Variants in FBXO45 observed in about 807,000 individuals in gnomAD.
FBXO45 encodes the protein F-box/SPRY domain-containing protein 1.
FBXO45 carries 3 observed loss-of-function variants against 25.5 expected under a neutral mutation model. That is an observed-to-expected ratio of 0.12 (90% CI 0.05 to 0.30). The LOEUF (loss-of-function observed/expected upper bound fraction) is 0.30. Ranked by LOEUF, FBXO45 falls within the 10% of genes least tolerant of loss-of-function variation. The probability of loss-of-function intolerance (pLI) is 1.00; values close to 1 mark genes in which losing one functional copy is unlikely to be tolerated. For synonymous variants in FBXO45, 155 were observed against 149.8 expected (o/e 1.03, Z -0.25); for missense variants, 219 against 365.0 (o/e 0.60, Z 3.26).
intron 2 of FBXO45, among the ~76,000 whole-genome samples, chr3:196,580,304 C>T (rs2108728312): frequency 6.6e-6 from 1 of 152,122 alleles, no homozygotes; most frequent in African/African-American, 2.4e-5. Context: ...CTCCCGGGTC[C>T]CGGTTCAAGC....
At chr3:196,571,574 A>T (rs1182793626) in intron 1 of FBXO45, among the ~76,000 whole-genome samples, 1 of 152,234 alleles carries the variant, frequency 6.6e-6, no homozygotes, top group Non-Finnish European at 1.5e-5. Flanking sequence ...AGAAATGTTC[A>T]CATGATTCAA....
In FBXO45 at chr3:196,584,683, T is replaced by A. The variant is rs1675381278; in HGVS notation, c.*365T>A. ...GTGTGTTTGTGAAGACTGATCCCAT[T>A]TTACAACTGCCTGTTCTTTCTCCAG... On this transcript the variant is annotated 3_prime_UTR_variant, in exon 3 of 3. Coordinates refer to ENST00000311630, the MANE Select transcript of FBXO45 (RefSeq NM_001105573.2). This position sits in a 1 kb window ranked among gnomAD's most constrained non-coding sequence, Gnocchi z 4.3. 1 of 159,554 alleles carries A rather than the reference T, an allele frequency of 6.3e-6. No individual in the cohort carries two copies. Among genetic ancestry groups the A allele is most frequent in the South Asian group, 2.0e-4 (1 of 4,972 alleles). 9.9% of individuals were successfully genotyped at this position (159,554 alleles called of 1,614,324 possible).
chr3:196,568,807 G>A lies in FBXO45; in HGVS notation c.-178G>A, dbSNP rs1454413467. On this transcript the variant is annotated 5_prime_UTR_variant, in exon 1 of 3. Coordinates refer to ENST00000311630, the MANE Select transcript of FBXO45 (RefSeq NM_001105573.2). The stretch of plus-strand genomic sequence containing the variant: ...CAGCCGGTGCGTCTGCCCTCAGTGA[G>A]GCGGGGCGCGCGGCGGACGCCCCCG... 3.9e-6 allele frequency: 1 copy of A among 256,750 alleles called. No homozygotes were observed. Among genetic ancestry groups the A allele is most frequent in the South Asian group, 1.5e-4 (1 of 6,882 alleles). The allele number at this position is 256,750 out of a possible 1,614,324, so 15.9% of individuals were successfully genotyped here.
intron 2 of FBXO45, among the ~76,000 whole-genome samples, chr3:196,580,802 C>T (rs1160959302): frequency 2.0e-5 from 3 of 148,796 alleles, no homozygotes; most frequent in Non-Finnish European, 1.5e-5. Context: ...GATAGGGTCT[C>T]GCTCTGACAC....
chr3:196,569,974 T>C lies in FBXO45; in HGVS notation c.318+672T>C, dbSNP rs1577592851. Among the ~76,000 whole-genome samples, 1 of 152,188 alleles carries C rather than the reference T, an allele frequency of 6.6e-6. No individual in the cohort carries two copies. The highest frequency in any genetic ancestry group is 1.5e-5 in the Non-Finnish European group (1 of 68,040). ...TTAATAGTTCCACATTGATGGTGTC[T>C]CTCTTTTTCTATTTGTCATCTAACG... On this transcript the variant is annotated intron_variant, in intron 1 of 2. Coordinates refer to ENST00000311630, the MANE Select transcript of FBXO45 (RefSeq NM_001105573.2). The surrounding 1 kb of genome is among the most constrained non-coding windows in gnomAD (Gnocchi z 4.1).
At chr3:196,570,716 T>TC in intron 1 of FBXO45, among the ~76,000 whole-genome samples, 1 of 135,300 alleles carries the variant, frequency 7.4e-6, no homozygotes, top group African/African-American at 2.6e-5. Context: ...TTTTTTCTTT[T>TC]TTTTTTTTTT....
At chr3:196,572,001 T>TA (rs760176717) in intron 1 of FBXO45, among the ~76,000 whole-genome samples, 1 of 152,086 alleles carries the variant, frequency 6.6e-6, no homozygotes, top group Non-Finnish European at 1.5e-5. Flanking sequence ...GTTACAGACA[T>TA]AAAAAAGTAT....
chr3:196,581,974 T>C (rs1353549590), intron 2 of FBXO45, among the ~76,000 whole-genome samples: 5 of 152,238 alleles, frequency 3.3e-5, no homozygotes, highest in African/African-American at 1.2e-4. Context: ...GTTTACCCTG[T>C]GCCTTTGTAA....
rs1162680851 is a variant in FBXO45, at chr3:196,568,873, G to T, written c.-112G>T. Reference sequence around the variant, plus strand: ...GGTGGAGGCGCCGGCGGTTGGCACTGACAGGGGCGGTGAGCGAGCCGCTCC... The same window carrying T: ...GGTGGAGGCGCCGGCGGTTGGCACTTACAGGGGCGGTGAGCGAGCCGCTCC... On this transcript the variant is annotated 5_prime_UTR_variant, in exon 1 of 3. Transcript: ENST00000311630. 3.6e-6 allele frequency: 3 copies of T among 831,408 alleles called. No individual in the cohort carries two copies. Among genetic ancestry groups the T allele is most frequent in the South Asian group, 5.3e-5 (1 of 18,834 alleles). The allele number at this position is 831,408 out of a possible 1,614,324, so 51.5% of individuals were successfully genotyped here. A position where few individuals can be genotyped will look rare whatever the true frequency, so the allele number is the denominator to read the frequency against.
In FBXO45 at chr3:196,586,878, TGA is replaced by T. The variant is rs1446978645; in HGVS notation, c.*2562_*2563del. ...AGAACCACTGTTGTAAAATTCACCT[TGA>T]GTTTTCTCATCTGCAAAATAGAAAA... On this transcript the variant is annotated 3_prime_UTR_variant, in exon 3 of 3. Coordinates refer to ENST00000311630, the MANE Select transcript of FBXO45 (RefSeq NM_001105573.2). 4 of 150,400 alleles carry T rather than the reference TGA, an allele frequency of 2.7e-5. No individual in the cohort carries two copies. The highest frequency in any genetic ancestry group is 5.9e-5 in the Non-Finnish European group (4 of 67,860). 9.3% of individuals were successfully genotyped at this position (150,400 alleles called of 1,614,324 possible). A position where few individuals can be genotyped will look rare whatever the true frequency, so the allele number is the denominator to read the frequency against.
chr3:196,579,446 G>A (rs1248985787), intron 2 of FBXO45, among the ~76,000 whole-genome samples: 1 of 152,154 alleles, frequency 6.6e-6, no homozygotes, highest in African/African-American at 2.4e-5. Context: ...TAAAAACGAA[G>A]TCCTGTCGCC....
intron 2 of FBXO45, among the ~76,000 whole-genome samples, chr3:196,579,954 T>A (rs1251747407): frequency 6.6e-6 from 1 of 152,158 alleles, no homozygotes; most frequent in African/African-American, 2.4e-5. Context: ...ACACAGCACA[T>A]AGTTGGATCT....
chr3:196,584,545 T>C lies in FBXO45; in HGVS notation c.*227T>C. 4.5e-6 allele frequency: 2 copies of C among 441,372 alleles called. No homozygotes were observed. The highest frequency in any genetic ancestry group is 8.0e-6 in the Non-Finnish European group (2 of 250,524). The allele number at this position is 441,372 out of a possible 1,614,324, so 27.3% of individuals were successfully genotyped here. Reference sequence around the variant, plus strand: ...GTTGGTTGAGTGGGCAGTTGACATATGCATGTTGCACCCGATGTTGTCTCT... The same window carrying C: ...GTTGGTTGAGTGGGCAGTTGACATACGCATGTTGCACCCGATGTTGTCTCT... On this transcript the variant is annotated 3_prime_UTR_variant, in exon 3 of 3. Coordinates refer to ENST00000311630, the MANE Select transcript of FBXO45 (RefSeq NM_001105573.2). This position sits in a 1 kb window ranked among gnomAD's most constrained non-coding sequence, Gnocchi z 4.3.
Position 196,585,489 on chromosome 3 carries a change from C to T in FBXO45, c.*1171C>T, listed in dbSNP as rs1315007504. 5 of 152,156 alleles carry T rather than the reference C, an allele frequency of 3.3e-5. No homozygotes were observed. Among genetic ancestry groups the T allele is most frequent in the South Asian group, 2.1e-4 (1 of 4,822 alleles). The allele number at this position is 152,156 out of a possible 1,614,324, so 9.4% of individuals were successfully genotyped here. A position where few individuals can be genotyped will look rare whatever the true frequency, so the allele number is the denominator to read the frequency against. ...ATAAAGAAAACGTTTACTTACCCAG[C>T]TGAAACAGGTTAAGAATATTCTTAA... is the stretch of plus-strand genomic sequence containing the variant. On this transcript the variant is annotated 3_prime_UTR_variant, in exon 3 of 3. Coordinates refer to ENST00000311630, the MANE Select transcript of FBXO45 (RefSeq NM_001105573.2).
rs1458912922 is a variant in FBXO45, at chr3:196,583,305, A to G, written c.676-828A>G. On this transcript the variant is annotated intron_variant, in intron 2 of 2. Coordinates refer to ENST00000311630, the MANE Select transcript of FBXO45 (RefSeq NM_001105573.2). ...GGTGGATCACGAGGTCAGGAGATGGAGACCATCCTGGCTAACACGGTGAAA... is the reference window on the plus strand; with the variant it reads ...GGTGGATCACGAGGTCAGGAGATGGGGACCATCCTGGCTAACACGGTGAAA... Among the ~76,000 whole-genome samples the G allele has an allele frequency of 2.6e-5, 4 of 152,102 alleles. No homozygotes were observed. In the South Asian group the frequency reaches 8.3e-4, roughly 32 times the overall value.
chr3:196,578,635 A>AT (rs1408921138), intron 2 of FBXO45, among the ~76,000 whole-genome samples: 1 of 152,138 alleles, frequency 6.6e-6, no homozygotes, highest in East Asian at 1.9e-4. Flanking sequence ...CATAGACCTT[A>AT]TTTATGGGCT....
chr3:196,569,373 C>G lies in FBXO45; in HGVS notation c.318+71C>G. The G allele has an allele frequency of 7.1e-7, 1 of 1,406,552 alleles. No individual in the cohort carries two copies. The highest frequency in any genetic ancestry group is 9.5e-7 in the Non-Finnish European group (1 of 1,054,838). The allele number at this position is 1,406,552 out of a possible 1,614,324, so 87.1% of individuals were successfully genotyped here. ...GGCGTCGTTCGCGGTGTTTCTCATCCGAGCTTCTGAGTCAGAAGCTTCGCC... is the reference window on the plus strand; with the variant it reads ...GGCGTCGTTCGCGGTGTTTCTCATCGGAGCTTCTGAGTCAGAAGCTTCGCC... On this transcript the variant is annotated intron_variant, in intron 1 of 2. Transcript: ENST00000311630. The surrounding 1 kb of genome is among the most constrained non-coding windows in gnomAD (Gnocchi z 4.1).
At chr3:196,583,324 G>T (rs904108926) in intron 2 of FBXO45, among the ~76,000 whole-genome samples, 1 of 152,048 alleles carries the variant, frequency 6.6e-6, no homozygotes, top group Non-Finnish European at 1.5e-5. Context: ...TGGCTAACAC[G>T]GTGAAACCCG....
At chr3:196,571,417 G>A (rs1046117908) in intron 1 of FBXO45, among the ~76,000 whole-genome samples, 5 of 151,738 alleles carry the variant, frequency 3.3e-5, no homozygotes, top group Non-Finnish European at 4.4e-5. Context: ...AGAGACACGG[G>A]GTCTCACCTT....
Sources: gnomAD v4.1 joint callset for allele counts (sites outside exome capture counted in the v4.1 genomes callset) on GRCh38, gnomAD v4.1.1 for gene constraint, Gnocchi (gnomAD v3.1) non-coding constraint, MANE v1.5 for transcripts, NCBI Gene and HGNC (gene_info 2026-07-23, HGNC 2026-07-21) for gene names.